The following KCNIP4 variants were observed in gnomAD, a reference collection of about 807,000 sequenced individuals.
The protein encoded by KCNIP4 is potassium voltage-gated channel interacting protein 4.
KCNIP4 carries 12 observed loss-of-function variants against 34.0 expected under a neutral mutation model. The observed-to-expected ratio is 0.35, with a 90% confidence interval of 0.23 to 0.57. KCNIP4 has a LOEUF of 0.57. KCNIP4 is among the 20% of genes least tolerant of loss of function. The probability of loss-of-function intolerance (pLI) is 0.83; values close to 1 mark genes in which losing one functional copy is unlikely to be tolerated. For synonymous variants in KCNIP4, 124 were observed against 102.2 expected, an observed-to-expected ratio of 1.21 and a Z score of -1.29; for missense variants, 238 against 311.7, an observed-to-expected ratio of 0.76 and a Z score of 1.78.
chr4:21,414,578 C>A (rs908375826), intron 1 of KCNIP4, among the ~76,000 whole-genome samples: 4 of 152,120 alleles, frequency 2.6e-5, no homozygotes, highest in Admixed American at 1.3e-4. Context: ...CAATTCACTT[C>A]TGGGTATTTA....
intron 1 of KCNIP4, among the ~76,000 whole-genome samples, chr4:21,492,061 G>GT (rs758665737): frequency 4.7e-4 from 71 of 152,130 alleles, no homozygotes; most frequent in Non-Finnish European, 8.2e-4. Context: ...GATGTTAAAC[G>GT]TGAGTATCTG....
intron 1 of KCNIP4, among the ~76,000 whole-genome samples, chr4:21,577,804 C>G (rs115123709): frequency 0.033 from 5,034 of 152,182 alleles, 111 homozygotes; most frequent in Non-Finnish European, 0.05. Flanking sequence ...CAGAAGATAC[C>G]TTTCATTCCT....
At chr4:21,467,635 C>A (rs917940261) in intron 1 of KCNIP4, among the ~76,000 whole-genome samples, 1 of 152,176 alleles carries the variant, frequency 6.6e-6, no homozygotes, top group African/African-American at 2.4e-5. Flanking sequence ...ACAGCAGACA[C>A]GCCAAGACAT....
rs1553896601 is a variant in KCNIP4, at chr4:21,519,448, G to GCA, written c.61+429122_61+429123insTG. 1.4e-4 allele frequency among the ~76,000 whole-genome samples: 10 copies of GCA among 73,996 alleles called. 1 individual carries two copies. Among genetic ancestry groups the GCA allele is most frequent in the Non-Finnish European group, 2.4e-4 (9 of 37,410 alleles). 48.5% of individuals were successfully genotyped at this position (73,996 alleles called of 152,430 possible). A position where few individuals can be genotyped will look rare whatever the true frequency, so the allele number is the denominator to read the frequency against. Reference sequence around the variant, plus strand: ...TACACATATGTGTGTATATGTATGTGTATATACACATATGTGTGTATGTGT... The same window carrying GCA: ...TACACATATGTGTGTATATGTATGTGCATATATACACATATGTGTGTATGTGT... On this transcript the variant is annotated intron_variant, in intron 1 of 8. Coordinates refer to ENST00000382152, the MANE Select transcript of KCNIP4 (RefSeq NM_025221.6).
intron 1 of KCNIP4, among the ~76,000 whole-genome samples, chr4:21,584,802 T>G (rs1478612780): frequency 6.6e-6 from 1 of 152,006 alleles, no homozygotes; most frequent in Admixed American, 6.6e-5. Context: ...CAAAGAAAGA[T>G]TGATAGTGAT....
intron 1 of KCNIP4, among the ~76,000 whole-genome samples, chr4:21,455,625 G>GT (rs200924043): frequency 0.31 from 43,196 of 139,920 alleles, 7,234 homozygotes; most frequent in Non-Finnish European, 0.39. Context: ...GAAACTGAAG[G>GT]TTTTTTTTTT....
chr4:21,654,929 A>T (rs567615656), intron 1 of KCNIP4, among the ~76,000 whole-genome samples: 1 of 152,198 alleles, frequency 6.6e-6, no homozygotes, highest in Admixed American at 6.5e-5. Flanking sequence ...GTCTCAAAAA[A>T]AAAAGGAAAG....
At chr4:21,500,970 T>A (rs542932120) in intron 1 of KCNIP4, among the ~76,000 whole-genome samples, 27 of 151,760 alleles carry the variant, frequency 1.8e-4, no homozygotes, top group African/African-American at 6.6e-4. Flanking sequence ...TTAATACAGA[T>A]CAGTGTCAAA....
At chr4:20,912,215 G>T (rs987400439) in intron 1 of KCNIP4, among the ~76,000 whole-genome samples, 1 of 151,966 alleles carries the variant, frequency 6.6e-6, no homozygotes, top group African/African-American at 2.4e-5. Flanking sequence ...TTAAAACTCA[G>T]ATTTATCCAG....
At chr4:21,280,613 C>T (rs1162936213) in intron 1 of KCNIP4, among the ~76,000 whole-genome samples, 1 of 152,060 alleles carries the variant, frequency 6.6e-6, no homozygotes, top group East Asian at 1.9e-4. Flanking sequence ...TTATTTTCCC[C>T]AAAAGTCCAA....
At chr4:21,562,543 T>C (rs548897303) in intron 1 of KCNIP4, among the ~76,000 whole-genome samples, 2 of 152,160 alleles carry the variant, frequency 1.3e-5, no homozygotes, top group African/African-American at 4.8e-5. Flanking sequence ...ATGTAACATT[T>C]GGGAATTTCG....
chr4:21,063,296 AG>A (rs1744084072), intron 1 of KCNIP4, among the ~76,000 whole-genome samples: 1 of 152,182 alleles, frequency 6.6e-6, no homozygotes, highest in African/African-American at 2.4e-5. Flanking sequence ...TAGCTTTAAC[AG>A]GTTACACCAT....
chr4:21,647,437 T>G (rs1471148298), intron 1 of KCNIP4, among the ~76,000 whole-genome samples: 1 of 152,114 alleles, frequency 6.6e-6, no homozygotes. Flanking sequence ...AAGGCAGGGG[T>G]GGGCACTGGC....
At chr4:21,927,546 T>C (rs969606973) in intron 1 of KCNIP4, among the ~76,000 whole-genome samples, 4 of 152,172 alleles carry the variant, frequency 2.6e-5, no homozygotes, top group African/African-American at 4.8e-5. Context: ...CCTGGAGACC[T>C]GTATCCATGT....
chr4:20,972,701 T>C (rs1735091205), intron 1 of KCNIP4, among the ~76,000 whole-genome samples: 1 of 152,106 alleles, frequency 6.6e-6, no homozygotes, highest in South Asian at 2.1e-4. Context: ...AGATTTATTG[T>C]GAAGTGCAAA....
chr4:21,588,432 T>G (rs1288493843), intron 1 of KCNIP4, among the ~76,000 whole-genome samples: 1 of 152,000 alleles, frequency 6.6e-6, no homozygotes, highest in African/African-American at 2.4e-5. Flanking sequence ...AATGCAAAGA[T>G]TTTGATGCTA....
chr4:21,077,231 T>C (rs1411360827), intron 1 of KCNIP4, among the ~76,000 whole-genome samples: 5 of 152,162 alleles, frequency 3.3e-5, no homozygotes, highest in African/African-American at 9.6e-5. Context: ...TTGGTATCCA[T>C]TGCCTCGAAG....
At chr4:21,012,773 T>A (rs376404773) in intron 1 of KCNIP4, among the ~76,000 whole-genome samples, 1 of 152,120 alleles carries the variant, frequency 6.6e-6, no homozygotes, top group Non-Finnish European at 1.5e-5. Context: ...ACCTTACAAA[T>A]TGAAAATCTA....
intron 1 of KCNIP4, among the ~76,000 whole-genome samples, chr4:21,519,676 A>G (rs1328666161): frequency 2.8e-5 from 4 of 142,160 alleles, no homozygotes; most frequent in East Asian, 4.5e-4. Context: ...ACGTGTGTGT[A>G]TGTATGTGTA....
Sources: gnomAD v4.1 joint callset for allele counts (sites outside exome capture counted in the v4.1 genomes callset) on GRCh38, gnomAD v4.1.1 for gene constraint, MANE v1.5 for transcripts, NCBI Gene and HGNC (gene_info 2026-07-23, HGNC 2026-07-21) for gene names.